Variants in STAT5A observed in about 807,000 individuals in gnomAD.
STAT5A encodes signal transducer and activator of transcription 5A.
Under a neutral mutation model 100.2 loss-of-function variants are expected in STAT5A, and 26 were observed. The ratio of observed to expected loss-of-function variants is 0.26; its 90% confidence interval spans 0.19 to 0.36. STAT5A has a LOEUF of 0.36. Among genes scored for constraint, STAT5A ranks in the 10% least tolerant of loss-of-function variants. The pLI is 1.00. For missense variants in STAT5A, 634 were observed against 1,027.5 expected, an observed-to-expected ratio of 0.62 and a Z score of 5.24; for synonymous variants, 330 against 424.3, an observed-to-expected ratio of 0.78 and a Z score of 2.73.
In STAT5A at chr17:42,310,628, C is replaced by T. The variant is rs755696784; in HGVS notation, c.2344C>T (p.Pro782Ser). The change falls in exon 19 of 19, where the codon CCT (proline) becomes TCT (serine). Residue 782 changes from proline to serine, a missense_variant. By Grantham distance (74) the Pro-to-Ser change is moderately conservative (BLOSUM62 -1). Around this residue, in one of 5 missense-constraint regions of STAT5A, gnomAD observed 88 missense variants for 95.1 expected, o/e 0.92. Coordinates refer to ENST00000590949, the MANE Select transcript of STAT5A (RefSeq NM_001288718.2). ...MDSLDSRLSP[P>S]AGLFTSARGS... is the part of the protein sequence containing the mutation. ...CAGTCTTGACTCCCGCCTCTCGCCC[C>T]CTGCCGGTCTTTTCACCTCTGCCAG... The T allele has an allele frequency of 3.1e-6, 5 of 1,614,104 alleles. No homozygotes were observed. The highest frequency in any genetic ancestry group is 1.3e-5 in the African/African-American group (1 of 74,946).
chr17:42,290,045 C>T (rs931582561), intron 3 of STAT5A, 23 bp downstream of exon 3: 4 of 1,581,532 alleles, frequency 2.5e-6, no homozygotes, highest in Non-Finnish European at 2.6e-6. Flanking sequence ...TCTGGGCCAC[C>T]TACGGGGAGG....
At position 42,304,594 on chromosome 17, in the gene STAT5A, C is replaced by A. The variant is rs1163992121; in HGVS notation, c.1322C>A (p.Thr441Lys). Residue 441 changes from threonine (T) to lysine (K), a missense_variant, in exon 11 of 19, where the codon ACA (threonine) becomes AAA (lysine). By Grantham distance (78) the Thr-to-Lys change is moderately conservative. Around this residue, in one of 5 missense-constraint regions of STAT5A, gnomAD observed 210 missense variants for 428.4 expected, o/e 0.49. Coordinates refer to ENST00000590949, the MANE Select transcript of STAT5A (RefSeq NM_001288718.2). The surrounding 1 kb of genome is among the most constrained non-coding windows in gnomAD (Gnocchi z 4.8). ...GAESVTEEKF[T>K]VLFESQFSVG... is the part of the protein sequence containing the mutation. ...GAGTCCGTGACAGAGGAGAAGTTCACAGTCCTGTTTGAGTCTCAGTTCAGT... is the reference window on the plus strand; with the variant it reads ...GAGTCCGTGACAGAGGAGAAGTTCAAAGTCCTGTTTGAGTCTCAGTTCAGT... 1 of 1,614,106 alleles carries A rather than the reference C, an allele frequency of 6.2e-7. No homozygotes were observed. The highest frequency in any genetic ancestry group is 8.5e-7 in the Non-Finnish European group (1 of 1,180,048).
Position 42,289,890 on chromosome 17 carries a change from C to A in STAT5A, c.153C>A (p.Pro51=). 6.3e-7 allele frequency: 1 copy of A among 1,584,518 alleles called. No homozygotes were observed. The highest frequency in any genetic ancestry group is 2.3e-5 in the East Asian group (1 of 43,764). The change falls in exon 3 of 19, where the codon CCC becomes CCA. Residue 51 remains proline, a synonymous_variant. Transcript: ENST00000590949. ...QPWDAIDLDN[P]QDRAQATQLL... The stretch of plus-strand genomic sequence containing the variant: ...GGGATGCCATTGACTTGGACAATCC[C>A]CAGGACAGAGCCCAAGCCACCCAGC...
intron 4 of STAT5A, among the ~76,000 whole-genome samples, chr17:42,292,365 G>T (rs1003765094): frequency 6.6e-6 from 1 of 150,874 alleles, no homozygotes; most frequent in African/African-American, 2.4e-5. Context: ...TTCTTGCTCT[G>T]TCACCCAGGC....
In STAT5A at chr17:42,308,476, G is replaced by C; in HGVS notation, c.2062+143G>C. 2.6e-6 allele frequency: 3 copies of C among 1,141,002 alleles called. No homozygotes were observed. Among genetic ancestry groups the C allele is most frequent in the Non-Finnish European group, 2.5e-6 (2 of 808,086 alleles). The allele number at this position is 1,141,002 out of a possible 1,614,324, so 70.7% of individuals were successfully genotyped here. ...CCTGTGGGTTTTGGCCCATGGGGTG[G>C]TGGAGAGGATTTCAGGGCTCACAAA... On this transcript the variant is annotated intron_variant, in intron 16 of 18. Transcript: ENST00000590949. This position sits in a 1 kb window ranked among gnomAD's most constrained non-coding sequence, Gnocchi z 4.6.
In STAT5A at chr17:42,308,980, G is replaced by A. The variant is rs998628824; in HGVS notation, c.2063-67G>A. 16 of 1,604,856 alleles carry A rather than the reference G, an allele frequency of 1.0e-5. No individual in the cohort carries two copies. Among genetic ancestry groups the A allele is most frequent in the Middle Eastern group, 3.3e-4 (2 of 6,044 alleles). On this transcript the variant is annotated intron_variant, in intron 16 of 18. Coordinates refer to ENST00000590949, the MANE Select transcript of STAT5A (RefSeq NM_001288718.2). The surrounding 1 kb of genome is among the most constrained non-coding windows in gnomAD (Gnocchi z 4.6). ...GAGCAGGAGGGAGACTACATGGGGCGTGGGCTTCCACCCCACTTGGGAGTT... is the reference window on the plus strand; with the variant it reads ...GAGCAGGAGGGAGACTACATGGGGCATGGGCTTCCACCCCACTTGGGAGTT...
At chr17:42,299,306 G>A (rs1450226376) in intron 5 of STAT5A, among the ~76,000 whole-genome samples, 2 of 152,218 alleles carry the variant, frequency 1.3e-5, no homozygotes, top group African/African-American at 4.8e-5. Context: ...CCCCACTGAG[G>A]CAGGTGCTGA....
At chr17:42,299,730 G>T (rs745937485) in intron 5 of STAT5A, 21 bp from the exon 6 acceptor site, 21 of 1,614,044 alleles carry the variant, frequency 1.3e-5, no homozygotes, top group Admixed American at 3.3e-5. Context: ...GATGGTCATG[G>T]TTTCCTCTTC....
chr17:42,305,231 G>A (rs1371464822), intron 11 of STAT5A, among the ~76,000 whole-genome samples: 1 of 152,064 alleles, frequency 6.6e-6, no homozygotes, highest in Non-Finnish European at 1.5e-5. Context: ...GGCCATGGGT[G>A]GTGGGTCTTG....
Position 42,305,605 on chromosome 17 carries a change from TG to T in STAT5A, c.1381-4del. ...CATCAACTTGGGTTCCTTTGACTCC[TG>T]TAGACTCTGTCCCTACCTGTGGTTG... On this transcript the variant is annotated splice_polypyrimidine_tract_variant and splice_region_variant and intron_variant, in intron 11 of 18. Transcript: ENST00000590949. 6.2e-7 allele frequency: 1 copy of T among 1,614,150 alleles called. No individual in the cohort carries two copies. The highest frequency in any genetic ancestry group is 2.2e-5 in the East Asian group (1 of 44,890).
At position 42,289,407 on chromosome 17, in the gene STAT5A, CG is replaced by C. The variant is rs1315896866; in HGVS notation, c.-3del. The C allele has an allele frequency of 1.2e-6, 2 of 1,606,762 alleles. No homozygotes were observed. Among genetic ancestry groups the C allele is most frequent in the Non-Finnish European group, 1.7e-6 (2 of 1,176,924 alleles). On this transcript the variant is annotated 5_prime_UTR_variant, in exon 2 of 19. Transcript: ENST00000590949. ...CAGCGCTCGGCTCGCCCTAGGTGAACGGCCATGGCGGGCTGGATCCAGGCCC... is the reference window on the plus strand; with the variant it reads ...CAGCGCTCGGCTCGCCCTAGGTGAACGCCATGGCGGGCTGGATCCAGGCCC...
intron 13 of STAT5A, among the ~76,000 whole-genome samples, chr17:42,306,726 T>C (rs1342071340): frequency 6.8e-6 from 1 of 147,154 alleles, no homozygotes; most frequent in South Asian, 2.1e-4. Context: ...CTAATTTTCT[T>C]TTTTTTTTTT....
At chr17:42,300,488 T>C (rs72823007) in intron 7 of STAT5A, among the ~76,000 whole-genome samples, 26,958 of 152,112 alleles carry the variant, frequency 0.18, 4,142 homozygotes, top group African/African-American at 0.42. Context: ...GGGGGTGGGA[T>C]GGGGCTCGGG....
intron 4 of STAT5A, among the ~76,000 whole-genome samples, chr17:42,293,407 G>A (rs1385553512): frequency 6.6e-6 from 1 of 152,214 alleles, no homozygotes; most frequent in East Asian, 1.9e-4. Flanking sequence ...GTTTCACCCT[G>A]TTGGCCAGGC....
Position 42,308,969 on chromosome 17 carries a change from C to A in STAT5A, c.2063-78C>A. On this transcript the variant is annotated intron_variant, in intron 16 of 18. Transcript: ENST00000590949. This position sits in a 1 kb window ranked among gnomAD's most constrained non-coding sequence, Gnocchi z 4.6. Reference sequence around the variant, plus strand: ...CAAGGTGATGTGAGCAGGAGGGAGACTACATGGGGCGTGGGCTTCCACCCC... The same window carrying A: ...CAAGGTGATGTGAGCAGGAGGGAGAATACATGGGGCGTGGGCTTCCACCCC... 1 of 1,579,696 alleles carries A rather than the reference C, an allele frequency of 6.3e-7. No homozygotes were observed. The highest frequency in any genetic ancestry group is 1.1e-5 in the South Asian group (1 of 90,164).
chr17:42,289,566 T>G (rs761629241), intron 2 of STAT5A, 27 bp downstream of exon 2: 3 of 1,608,166 alleles, frequency 1.9e-6, no homozygotes, highest in South Asian at 1.1e-5. Context: ...CTGCCCCTCC[T>G]CAGAGGGTCC....
chr17:42,311,088 AAGAG>A lies in STAT5A; in HGVS notation c.*427_*430del, dbSNP rs56975429. The A allele has an allele frequency of 4.1e-5, 9 of 220,742 alleles. No homozygotes were observed. In the East Asian group the frequency reaches 4.7e-4, roughly 12 times the overall value. The allele number at this position is 220,742 out of a possible 1,614,324, so 13.7% of individuals were successfully genotyped here. On this transcript the variant is annotated 3_prime_UTR_variant, in exon 19 of 19. Coordinates refer to ENST00000590949, the MANE Select transcript of STAT5A (RefSeq NM_001288718.2). ...CCGGAGTGAGAAGCTTTGCCCTCCT[AAGAG>A]AGAGAGACAGAGAGACAGAGAGAGA...
intron 5 of STAT5A, among the ~76,000 whole-genome samples, chr17:42,299,150 T>C (rs2080950292): frequency 6.6e-6 from 1 of 152,140 alleles, no homozygotes; most frequent in Non-Finnish European, 1.5e-5. Context: ...GCGGGAGGGA[T>C]GGGGCCGAGC....
chr17:42,304,746 AG>A lies in STAT5A; in HGVS notation c.1380+95del. On this transcript the variant is annotated intron_variant, in intron 11 of 18. Coordinates refer to ENST00000590949, the MANE Select transcript of STAT5A (RefSeq NM_001288718.2). This position sits in a 1 kb window ranked among gnomAD's most constrained non-coding sequence, Gnocchi z 4.8. ...ACTCCTGGCAGCAATGCCATCGGAC[AG>A]CCTGCTTTGACTCTGTGGGTCCCTG... The A allele has an allele frequency of 3.2e-6, 5 of 1,567,784 alleles. No homozygotes were observed. Among genetic ancestry groups the A allele is most frequent in the Non-Finnish European group, 4.3e-6 (5 of 1,155,178 alleles).
Sources: gnomAD v4.1 joint callset for allele counts (sites outside exome capture counted in the v4.1 genomes callset) on GRCh38, gnomAD v4.1.1 for gene constraint, gnomAD v4.1.1 regional missense constraint, Gnocchi (gnomAD v3.1) non-coding constraint, MANE v1.5 for transcripts, NCBI Gene and HGNC (gene_info 2026-07-23, HGNC 2026-07-21) for gene names.